Variants in ZFAND3 observed in about 807,000 individuals in gnomAD.
ZFAND3 encodes the protein AN1-type zinc finger protein 3.
In ZFAND3, 10 loss-of-function variants were observed where a neutral mutation model predicts 29.6. The observed-to-expected ratio is 0.34, with a 90% confidence interval of 0.21 to 0.57. The LOEUF (loss-of-function observed/expected upper bound fraction) is 0.57. ZFAND3 is among the 20% of genes least tolerant of loss of function. The probability of loss-of-function intolerance (pLI) is 0.86; values close to 1 mark genes in which losing one functional copy is unlikely to be tolerated. For missense variants in ZFAND3, 230 were observed against 304.5 expected (o/e 0.76, Z 1.82); for synonymous variants, 128 against 112.6 (o/e 1.14, Z -0.87).
At chr6:38,087,236 C>G (rs1489746813) in intron 4 of ZFAND3, among the ~76,000 whole-genome samples, 1 of 152,136 alleles carries the variant, frequency 6.6e-6, no homozygotes, top group Non-Finnish European at 1.5e-5. Flanking sequence ...TATGAAACTA[C>G]TACAAGAAAA....
chr6:37,937,072 C>G (rs931790571), intron 2 of ZFAND3, among the ~76,000 whole-genome samples: 14 of 152,214 alleles, frequency 9.2e-5, no homozygotes, highest in African/African-American at 3.4e-4. Context: ...ATACTAATCT[C>G]TTTCCTGCTT....
chr6:37,820,097 C>A, intron 1 of ZFAND3, 81 bp downstream of exon 1: 1 of 742,912 alleles, frequency 1.3e-6, no homozygotes, highest in Non-Finnish European at 1.6e-6. Flanking sequence ...CCTCGGGGCC[C>A]GGGAGGCCGG....
chr6:38,130,994 T>C (rs1357987898), intron 5 of ZFAND3, among the ~76,000 whole-genome samples: 2 of 152,192 alleles, frequency 1.3e-5, no homozygotes, highest in Non-Finnish European at 2.9e-5. Flanking sequence ...TGCTTGTTAT[T>C]GGTCTGTTCA....
chr6:37,883,127 T>C (rs938455111), intron 1 of ZFAND3, among the ~76,000 whole-genome samples: 3 of 152,120 alleles, frequency 2.0e-5, no homozygotes, highest in African/African-American at 7.2e-5. Flanking sequence ...GGAGGCTACA[T>C]TGGGAAGATC....
At chr6:37,854,242 C>T (rs1488494009) in intron 1 of ZFAND3, among the ~76,000 whole-genome samples, 4 of 152,188 alleles carry the variant, frequency 2.6e-5, no homozygotes, top group Admixed American at 6.5e-5. Context: ...TGATCCACTG[C>T]GCCCGGCTTG....
chr6:37,852,326 C>T (rs1288372431), intron 1 of ZFAND3, among the ~76,000 whole-genome samples: 1 of 152,150 alleles, frequency 6.6e-6, no homozygotes, highest in Non-Finnish European at 1.5e-5. Flanking sequence ...GCCAAGGATA[C>T]TGCTAAACAT....
intron 1 of ZFAND3, among the ~76,000 whole-genome samples, chr6:37,928,323 A>G (rs1761527568): frequency 6.6e-6 from 1 of 152,106 alleles, no homozygotes; most frequent in African/African-American, 2.4e-5. Flanking sequence ...TTCTATTTTT[A>G]GGGGCAGTTC....
intron 1 of ZFAND3, among the ~76,000 whole-genome samples, chr6:37,853,045 T>C (rs115634937): frequency 0.02 from 3,095 of 152,314 alleles, 55 homozygotes; most frequent in Middle Eastern, 0.061. Flanking sequence ...TTGCGACTGG[T>C]GCCCTTGTAG....
intron 1 of ZFAND3, among the ~76,000 whole-genome samples, chr6:37,824,154 T>G (rs1581688702): frequency 6.6e-6 from 1 of 152,352 alleles, no homozygotes; most frequent in East Asian, 1.9e-4. Context: ...AAGTGAAATA[T>G]GAACATTTTC....
intron 1 of ZFAND3, among the ~76,000 whole-genome samples, chr6:37,917,238 G>A (rs149867935): frequency 6.6e-6 from 1 of 152,280 alleles, no homozygotes; most frequent in Non-Finnish European, 1.5e-5. Flanking sequence ...GTATATCATT[G>A]TGTGATCATA....
intron 2 of ZFAND3, among the ~76,000 whole-genome samples, chr6:37,933,740 T>C (rs1761639845): frequency 6.6e-6 from 1 of 152,206 alleles, no homozygotes; most frequent in Non-Finnish European, 1.5e-5. Flanking sequence ...TTCCTCTCTT[T>C]GAAATGAGAG....
At chr6:38,152,144 C>T (rs1766240485) in intron 5 of ZFAND3, 91 bp from the exon 6 acceptor site, 1 of 1,265,530 alleles carries the variant, frequency 7.9e-7, no homozygotes, top group Non-Finnish European at 1.1e-6. Context: ...TGGGATGCCC[C>T]TCCATCCTCT....
chr6:38,142,691 G>C (rs1765988220), intron 5 of ZFAND3, among the ~76,000 whole-genome samples: 2 of 151,610 alleles, frequency 1.3e-5, no homozygotes, highest in African/African-American at 4.9e-5. Flanking sequence ...GCCGTGTAGA[G>C]GCTGGAGGAG....
intron 2 of ZFAND3, among the ~76,000 whole-genome samples, chr6:38,043,689 A>G (rs556670627): frequency 1.3e-5 from 2 of 151,378 alleles, no homozygotes; most frequent in East Asian, 2.0e-4. Flanking sequence ...TTGGGTCACC[A>G]CTGCCTTGAT....
chr6:38,045,822 A>G (rs1338149884), intron 2 of ZFAND3, among the ~76,000 whole-genome samples: 2 of 152,242 alleles, frequency 1.3e-5, no homozygotes, highest in Non-Finnish European at 2.9e-5. Context: ...AGAAATCCAT[A>G]TATAAACATC....
rs577560561 is a variant in ZFAND3 at position 37,939,046 on chromosome 6, G to T, written c.112+9047G>T. 2.6e-5 allele frequency among the ~76,000 whole-genome samples: 4 copies of T among 152,318 alleles called. No individual in the cohort carries two copies. In the South Asian group the frequency reaches 8.3e-4, roughly 32 times the overall value. On this transcript the variant is annotated intron_variant, in intron 2 of 5. Transcript: ENST00000287218. ...AGACAGGATTATCCATTGTGGCATA[G>T]AGAGAAAATGTTAGAATTCCTACTT...
rs533028844 is a variant in ZFAND3, at chr6:38,038,619, C to CCA, written c.113-22973_113-22972insAC. On this transcript the variant is annotated intron_variant, in intron 2 of 5. Coordinates refer to ENST00000287218, the MANE Select transcript of ZFAND3 (RefSeq NM_021943.3). ...TATAGGAGAATGAAAGTCGTTTCCC[C>CCA]CCCGCTTTGGTGCTTTATTTTATTT... is the stretch of plus-strand genomic sequence containing the variant. 3.1e-3 allele frequency among the ~76,000 whole-genome samples: 471 copies of CCA among 152,204 alleles called. 3 individuals carry two copies. Among genetic ancestry groups the CCA allele is most frequent in the African/African-American group, 0.011 (448 of 41,516 alleles).
At chr6:37,906,750 GT>G (rs1447311407) in intron 1 of ZFAND3, among the ~76,000 whole-genome samples, 3 of 143,514 alleles carry the variant, frequency 2.1e-5, no homozygotes, top group Non-Finnish European at 4.6e-5. Flanking sequence ...GTATCTTATT[GT>G]GGTTTTGATT....
intron 1 of ZFAND3, among the ~76,000 whole-genome samples, chr6:37,907,884 T>A (rs984206081): frequency 6.6e-6 from 1 of 152,206 alleles, no homozygotes; most frequent in Non-Finnish European, 1.5e-5. Context: ...TTATACTTTA[T>A]CTCTTATGTA....
Sources: allele counts gnomAD v4.1 joint callset (sites outside exome capture counted in the v4.1 genomes callset), GRCh38; gene constraint gnomAD v4.1.1; transcripts MANE v1.5; gene names NCBI Gene and HGNC (gene_info 2026-07-23, HGNC 2026-07-21).